Variants in CACNA2D3 observed in about 807,000 individuals in gnomAD.
CACNA2D3 encodes voltage-dependent calcium channel subunit alpha-2/delta-3.
CACNA2D3 carries 60 observed loss-of-function variants against 160.6 expected under a neutral mutation model. That is an observed-to-expected ratio of 0.37 (90% CI 0.30 to 0.46). The LOEUF is 0.46. Among genes scored for constraint, CACNA2D3 ranks in the 20% least tolerant of loss-of-function variants. The pLI is 1.00. For missense variants in CACNA2D3, 1,205 were observed against 1,365.0 expected (o/e 0.88, Z 1.85); for synonymous variants, 558 against 492.9 (o/e 1.13, Z -1.75).
intron 11 of CACNA2D3, among the ~76,000 whole-genome samples, chr3:54,724,434 G>T (rs1206949548): frequency 6.6e-6 from 1 of 152,106 alleles, no homozygotes; most frequent in Non-Finnish European, 1.5e-5. Context: ...GATATCTACA[G>T]AACTCTCCAT....
Position 54,887,970 on chromosome 3 carries a change from T to G in CACNA2D3, c.2068T>G (p.Leu690Val). 6.2e-7 allele frequency: 1 copy of G among 1,613,864 alleles called. No homozygotes were observed. Among genetic ancestry groups the G allele is most frequent in the Non-Finnish European group, 8.5e-7 (1 of 1,179,768 alleles). Residue 690 changes from leucine to valine, a missense_variant, in exon 24 of 38, where the codon TTG (leucine) becomes GTG (valine). Leu to Val is a conservative substitution (Grantham distance 32). Transcript: ENST00000474759. ...GTCCCTCCCAACAGGTGATAAAGAA[T>G]TGATCCAAGAAGTCCTTTTTGACGC... ...KEPLLQCDKELIQEVLFDAVV... is the reference protein window; with the variant it reads ...KEPLLQCDKEVIQEVLFDAVV...
intron 11 of CACNA2D3, among the ~76,000 whole-genome samples, chr3:54,706,941 A>G (rs1255920289): frequency 6.6e-6 from 1 of 152,170 alleles, no homozygotes; most frequent in Non-Finnish European, 1.5e-5. Context: ...TGGCTTCTCC[A>G]TTCCTGGTCA....
At chr3:54,188,268 CA>C (rs763126973) in intron 2 of CACNA2D3, among the ~76,000 whole-genome samples, 1 of 131,400 alleles carries the variant, frequency 7.6e-6, no homozygotes. Flanking sequence ...AACAAACAAA[CA>C]AAAAAACCAG....
intron 11 of CACNA2D3, among the ~76,000 whole-genome samples, chr3:54,739,044 T>C (rs961743881): frequency 6.7e-6 from 1 of 150,064 alleles, no homozygotes; most frequent in African/African-American, 2.5e-5. Context: ...TCTTGGGAGG[T>C]TGAGATGGGA....
intron 2 of CACNA2D3, among the ~76,000 whole-genome samples, chr3:54,223,449 T>C (rs1403341479): frequency 6.6e-6 from 1 of 152,144 alleles, no homozygotes; most frequent in Non-Finnish European, 1.5e-5. Context: ...AAATGATAAA[T>C]GGAGCTTGCA....
At chr3:54,612,648 TATACTC>T (rs1194252488) in intron 9 of CACNA2D3, among the ~76,000 whole-genome samples, 2 of 152,194 alleles carry the variant, frequency 1.3e-5, no homozygotes, top group African/African-American at 4.8e-5. Context: ...ATATATTAAT[TATACTC>T]ATGAAATCTA....
intron 2 of CACNA2D3, among the ~76,000 whole-genome samples, chr3:54,319,568 C>T (rs1559448478): frequency 6.6e-6 from 1 of 152,152 alleles, no homozygotes; most frequent in Non-Finnish European, 1.5e-5. Flanking sequence ...TTGGAAGGTT[C>T]CTATTAATAA....
At chr3:54,143,038 G>T (rs528808019) in intron 2 of CACNA2D3, among the ~76,000 whole-genome samples, 1 of 152,202 alleles carries the variant, frequency 6.6e-6, no homozygotes, top group Non-Finnish European at 1.5e-5. Flanking sequence ...TGAAAAGCAG[G>T]CTGTGACTAG....
intron 35 of CACNA2D3, among the ~76,000 whole-genome samples, chr3:55,053,775 C>T (rs1704291840): frequency 6.6e-6 from 1 of 151,790 alleles, no homozygotes; most frequent in Non-Finnish European, 1.5e-5. Context: ...ATTTTATGTC[C>T]TTTCTTGCCT....
At chr3:54,169,768 T>C (rs1700529662) in intron 2 of CACNA2D3, among the ~76,000 whole-genome samples, 1 of 151,980 alleles carries the variant, frequency 6.6e-6, no homozygotes, top group African/African-American at 2.4e-5. Context: ...TTTGTGTGTG[T>C]GTGTGGAGGT....
At chr3:54,589,171 G>A (rs1233451418) in intron 9 of CACNA2D3, among the ~76,000 whole-genome samples, 1 of 152,010 alleles carries the variant, frequency 6.6e-6, no homozygotes, top group East Asian at 1.9e-4. Context: ...AAGAGAAATA[G>A]ACATATAGAT....
chr3:54,211,528 G>T (rs895505159), intron 2 of CACNA2D3, among the ~76,000 whole-genome samples: 3 of 152,268 alleles, frequency 2.0e-5, no homozygotes, highest in Admixed American at 1.3e-4. Flanking sequence ...TCTTAGATGG[G>T]TTGCAGCAGT....
At chr3:54,188,272 A>AAACAAAC (rs1559876279) in intron 2 of CACNA2D3, among the ~76,000 whole-genome samples, 5 of 143,832 alleles carry the variant, frequency 3.5e-5, no homozygotes, top group South Asian at 4.5e-4. Flanking sequence ...AACAAACAAA[A>AAACAAAC]AAACCAGTAG....
At chr3:54,845,967 G>A (rs893209909) in intron 16 of CACNA2D3, among the ~76,000 whole-genome samples, 6 of 152,194 alleles carry the variant, frequency 3.9e-5, no homozygotes, top group East Asian at 1.9e-4. Flanking sequence ...GGAATTATAC[G>A]AAGTCTAGAA....
Position 54,660,186 on chromosome 3 carries a change from A to G in CACNA2D3, c.1167+17945A>G, listed in dbSNP as rs185563731. Among the ~76,000 whole-genome samples the G allele has an allele frequency of 1.4e-3, 210 of 146,162 alleles. 1 individual carries two copies. Among genetic ancestry groups the G allele is most frequent in the Middle Eastern group, 3.6e-3 (1 of 280 alleles). On this transcript the variant is annotated intron_variant, in intron 11 of 37. Transcript: ENST00000474759. ...TTATTTTTTTTTATTTTTGAGACAG[A>G]GTCTTGCTCTGTCGCCCAGGCTGGA...
At chr3:54,606,355 G>A (rs905540465) in intron 9 of CACNA2D3, among the ~76,000 whole-genome samples, 3 of 151,998 alleles carry the variant, frequency 2.0e-5, no homozygotes. Flanking sequence ...GAGCAAGTCG[G>A]GGCTGGGGAA....
At chr3:54,716,159 A>G (rs1701046583) in intron 11 of CACNA2D3, among the ~76,000 whole-genome samples, 1 of 152,220 alleles carries the variant, frequency 6.6e-6, no homozygotes, top group Non-Finnish European at 1.5e-5. Context: ...GAAATGCAAA[A>G]ATAATACTAT....
chr3:54,756,169 C>T (rs969369924), intron 12 of CACNA2D3, among the ~76,000 whole-genome samples: 2 of 152,160 alleles, frequency 1.3e-5, no homozygotes, highest in African/African-American at 2.4e-5. Context: ...CTGTGGATTC[C>T]ATAATAATTC....
intron 35 of CACNA2D3, among the ~76,000 whole-genome samples, chr3:55,068,933 A>G (rs571154802): frequency 1.5e-4 from 23 of 152,358 alleles, no homozygotes; most frequent in East Asian, 1.3e-3. Flanking sequence ...AATTGTCCTC[A>G]TAGTAGCTAT....
Sources: gnomAD v4.1 joint callset for allele counts (sites outside exome capture counted in the v4.1 genomes callset) on GRCh38, gnomAD v4.1.1 for gene constraint, MANE v1.5 for transcripts, NCBI Gene and HGNC (gene_info 2026-07-23, HGNC 2026-07-21) for gene names.